Variants in CCNY observed in about 807,000 individuals in gnomAD.
CCNY encodes the protein cyclin Y, also known as cyclin-Y.
In CCNY, 19 loss-of-function variants were observed where a neutral mutation model predicts 42.8. The ratio of observed to expected loss-of-function variants is 0.44; its 90% CI spans 0.31 to 0.65. The LOEUF is 0.65. CCNY is among the 30% of genes least tolerant of loss of function. The pLI, the probability that CCNY is intolerant of heterozygous loss-of-function variation, is 0.07. For synonymous variants in CCNY, 165 were observed against 162.7 expected, an observed-to-expected ratio of 1.01 and a Z score of -0.11; for missense variants, 370 against 437.3, an observed-to-expected ratio of 0.85 and a Z score of 1.37.
intron 1 of CCNY, among the ~76,000 whole-genome samples, chr10:35,400,940 TGA>T (rs1335409849): frequency 6.6e-6 from 1 of 152,204 alleles, no homozygotes; most frequent in Non-Finnish European, 1.5e-5. Context: ...ACTTTTTTTT[TGA>T]GAGAGAAATA....
chr10:35,312,575 G>A (rs531207219), intron 3 of CCNY, among the ~76,000 whole-genome samples: 3 of 151,396 alleles, frequency 2.0e-5, no homozygotes, highest in Non-Finnish European at 4.4e-5. Context: ...GTCATTCTCC[G>A]TTTTGCGACA....
intron 1 of CCNY, among the ~76,000 whole-genome samples, chr10:35,469,589 GAGAC>G (rs546936451): frequency 5.1e-4 from 77 of 151,988 alleles, no homozygotes; most frequent in Middle Eastern, 3.4e-3. Flanking sequence ...GGGAGATGGA[GAGAC>G]AGACAGACAG....
At chr10:35,543,701 AT>A (rs60209326) in intron 7 of CCNY, among the ~76,000 whole-genome samples, 42,919 of 151,360 alleles carry the variant, frequency 0.28, 6,183 homozygotes, top group East Asian at 0.34. Context: ...CCTTCTACTT[AT>A]TTTAAAAAAA....
intron 3 of CCNY, among the ~76,000 whole-genome samples, chr10:35,276,039 G>A (rs923721694): frequency 3.3e-5 from 5 of 152,194 alleles, no homozygotes; most frequent in Admixed American, 6.5e-5. Flanking sequence ...AAGGACTGGG[G>A]AATCACTGCT....
intron 1 of CCNY, among the ~76,000 whole-genome samples, chr10:35,447,300 C>G (rs1018636352): frequency 2.6e-5 from 4 of 152,168 alleles, no homozygotes; most frequent in Admixed American, 1.3e-4. Context: ...AGTTTGAATT[C>G]TAGAAAAACC....
At chr10:35,426,232 C>CA (rs1019586614) in intron 1 of CCNY, among the ~76,000 whole-genome samples, 3 of 149,984 alleles carry the variant, frequency 2.0e-5, no homozygotes, top group Non-Finnish European at 4.4e-5. Context: ...CATACATGCC[C>CA]ATTCACACAC....
intron 1 of CCNY, among the ~76,000 whole-genome samples, chr10:35,416,364 T>A (rs556485825): frequency 6.6e-6 from 1 of 152,254 alleles, no homozygotes; most frequent in East Asian, 1.9e-4. Flanking sequence ...TTTGGGAGGT[T>A]GAAACGGGAG....
At chr10:35,442,195 G>A (rs1838686087) in intron 1 of CCNY, among the ~76,000 whole-genome samples, 1 of 152,154 alleles carries the variant, frequency 6.6e-6, no homozygotes, top group Non-Finnish European at 1.5e-5. Context: ...TGTTTGCGTT[G>A]GAGTGATGCA....
chr10:35,280,267 C>T (rs887077185), intron 3 of CCNY, among the ~76,000 whole-genome samples: 2 of 151,528 alleles, frequency 1.3e-5, no homozygotes, highest in African/African-American at 2.4e-5. Flanking sequence ...TTGGAGGTTG[C>T]AGTGAGCTGA....
At position 35,297,417 on chromosome 10, in the gene CCNY, T is replaced by C. The variant is rs570368361; in HGVS notation, c.-9+46791T>C. ...AACATCATACTGACTGGGTAAAAGCTGGAAGCATTCCCCTTGAAAACTGCC... is the reference window on the plus strand; with the variant it reads ...AACATCATACTGACTGGGTAAAAGCCGGAAGCATTCCCCTTGAAAACTGCC... On this transcript the variant is annotated intron_variant, in intron 3 of 11. Coordinates refer to the CCNY transcript ENST00000374706. Among the ~76,000 whole-genome samples, 26 of 152,252 alleles carry C rather than the reference T, an allele frequency of 1.7e-4. 1 individual carries two copies. In the South Asian group the frequency reaches 5.2e-3, roughly 30 times the overall value.
Position 35,549,143 on chromosome 10 carries a change from A to G in CCNY, c.580-3876A>G, listed in dbSNP as rs1395692767. ...TCATCATGCCAAACCCCTTCTCTCG[A>G]AGAGGCAGAGAAGAGTCTGACCTGC... On this transcript the variant is annotated intron_variant, in intron 7 of 9. Transcript: ENST00000374704. Among the ~76,000 whole-genome samples the G allele has an allele frequency of 1.6e-4, 18 of 109,094 alleles. No individual in the cohort carries two copies. In the Admixed American group the frequency reaches 2.4e-3, roughly 15 times the overall value. The allele number at this position is 109,094 out of a possible 152,430, so 71.6% of individuals were successfully genotyped here.
intron 1 of CCNY, among the ~76,000 whole-genome samples, chr10:35,360,900 G>A (rs1018185574): frequency 5.9e-5 from 9 of 151,918 alleles, no homozygotes; most frequent in East Asian, 1.9e-4. Flanking sequence ...TCACCCTGTC[G>A]CCCAGGCTGG....
At chr10:35,468,275 A>C (rs954824373) in intron 1 of CCNY, among the ~76,000 whole-genome samples, 5 of 152,204 alleles carry the variant, frequency 3.3e-5, no homozygotes, top group African/African-American at 9.7e-5. Flanking sequence ...CTCTGCCCTC[A>C]TGACCCAATC....
intron 4 of CCNY, among the ~76,000 whole-genome samples, chr10:35,523,692 C>T (rs1480078728): frequency 2.6e-5 from 4 of 152,134 alleles, no homozygotes; most frequent in African/African-American, 9.7e-5. Context: ...GGACCTCTTA[C>T]TAGGGGAATA....
chr10:35,332,328 C>T (rs946243350), upstream of CCNY: 1 of 152,174 alleles, frequency 6.6e-6, no homozygotes, highest in Non-Finnish European at 1.5e-5. Flanking sequence ...TCAGTGTTTT[C>T]TGTGTTCCAG....
intron 1 of CCNY, among the ~76,000 whole-genome samples, chr10:35,448,636 T>C (rs1838844269): frequency 1.3e-5 from 2 of 151,970 alleles, no homozygotes; most frequent in African/African-American, 4.8e-5. Context: ...AGCTGAACCA[T>C]GTGACTCCTT....
chr10:35,514,364 C>T lies in CCNY; in HGVS notation c.265-2159C>T, dbSNP rs115633587. Among the ~76,000 whole-genome samples, 418 of 152,280 alleles carry T rather than the reference C, an allele frequency of 2.7e-3. 2 individuals carry two copies. The highest frequency in any genetic ancestry group is 9.6e-3 in the African/African-American group (400 of 41,568). On this transcript the variant is annotated intron_variant, in intron 3 of 9. Coordinates refer to ENST00000374704, the MANE Select transcript of CCNY (RefSeq NM_145012.6). ...AGCTGGGTTGGCATCCCCCTGGGAT[C>T]GAGGGCTTTGGCAGATCAGCCCTTA...
intron 3 of CCNY, among the ~76,000 whole-genome samples, chr10:35,282,145 G>A (rs1276268839): frequency 2.7e-4 from 30 of 111,872 alleles, no homozygotes; most frequent in African/African-American, 7.8e-4. Flanking sequence ...TTGAGACAGC[G>A]TTGCTCACTC....
intron 1 of CCNY, among the ~76,000 whole-genome samples, chr10:35,337,449 C>G (rs1286378761): frequency 2.0e-5 from 3 of 152,296 alleles, no homozygotes; most frequent in Admixed American, 2.0e-4. Flanking sequence ...CACGGCGGGC[C>G]TAGGGCGGGT....
Sources: allele counts gnomAD v4.1 joint callset (sites outside exome capture counted in the v4.1 genomes callset), GRCh38; gene constraint gnomAD v4.1.1; transcripts MANE v1.5; gene names NCBI Gene and HGNC (gene_info 2026-07-23, HGNC 2026-07-21).